STIM1: variants seen among roughly 807,000 people sequenced by gnomAD.
STIM1 encodes the protein stromal interaction molecule 1.
STIM1 carries 25 observed loss-of-function variants against 74.7 expected under a neutral mutation model. The observed-to-expected ratio is 0.33, with a 90% confidence interval of 0.24 to 0.47. The LOEUF (loss-of-function observed/expected upper bound fraction) is 0.47, where lower values mean the gene tolerates loss of function less well. Among genes scored for constraint, STIM1 ranks in the 20% least tolerant of loss-of-function variants. The pLI, the probability that STIM1 is intolerant of heterozygous loss-of-function variation, is 1.00. For synonymous variants in STIM1, 328 were observed against 348.8 expected (o/e 0.94, Z 0.66); for missense variants, 728 against 920.8 (o/e 0.79, Z 2.71).
intron 2 of STIM1, among the ~76,000 whole-genome samples, chr11:3,987,579 A>G (rs569192173): frequency 6.6e-6 from 1 of 152,284 alleles, no homozygotes. Context: ...ACTCTCTTCT[A>G]TATATCTGTC....
At chr11:3,888,248 A>C (rs2091788386) in intron 1 of STIM1, 1 of 152,210 alleles carries the variant, frequency 6.6e-6, no homozygotes, top group Non-Finnish European at 1.5e-5. Context: ...ATAAGTATTC[A>C]CATAGCTTGT....
At chr11:3,972,427 T>C (rs61355819) in intron 2 of STIM1, among the ~76,000 whole-genome samples, 6,876 of 152,308 alleles carry the variant, frequency 0.045, 491 homozygotes, top group African/African-American at 0.15. Context: ...GTTATCTTCT[T>C]ATAGTTTTAT....
chr11:4,056,137 T>C (rs1467918297), intron 4 of STIM1, among the ~76,000 whole-genome samples: 2 of 152,188 alleles, frequency 1.3e-5, no homozygotes, highest in Non-Finnish European at 2.9e-5. Flanking sequence ...CCCGGGAGCC[T>C]CAGGGCTCTT....
At chr11:3,998,772 C>A (rs2093685041) in intron 2 of STIM1, among the ~76,000 whole-genome samples, 1 of 151,830 alleles carries the variant, frequency 6.6e-6, no homozygotes, top group Non-Finnish European at 1.5e-5. Flanking sequence ...AAGGCAGTGA[C>A]TTTTTATTTA....
intron 7 of STIM1, among the ~76,000 whole-genome samples, chr11:4,081,364 C>T (rs1191563085): frequency 2.0e-5 from 3 of 152,242 alleles, no homozygotes; most frequent in Non-Finnish European, 4.4e-5. Flanking sequence ...TCGGTTATTT[C>T]TACTTATACA....
rs2135171193 is a variant in STIM1 at position 3,856,386 on chromosome 11, A to G, written c.116A>G (p.Asn39Ser). The change falls in exon 1 of 13, where the codon AAC becomes AGC. Residue 39 changes from asparagine (N) to serine (S), a missense_variant. Transcript: ENST00000526596. ...GCGACAGGAACCAGCTCGGGGGCCA[A>G]CTCTGAGGAGTCCACTGCAGCAGGT... Reference protein sequence around the residue: ...EKATGTSSGANSEESTAAEFC... With the variant: ...EKATGTSSGASSEESTAAEFC... 6.2e-7 allele frequency: 1 copy of G among 1,614,034 alleles called. No individual in the cohort carries two copies.
Position 4,033,447 on chromosome 11 carries a change from A to G in STIM1, c.385+9460A>G, listed in dbSNP as rs1411960199. 2.6e-5 allele frequency among the ~76,000 whole-genome samples: 4 copies of G among 152,100 alleles called. No individual in the cohort carries two copies. In the South Asian group the frequency reaches 8.3e-4, roughly 32 times the overall value. Reference sequence around the variant, plus strand: ...GATTTCATCACATTTTTTTCCATAGACAGTCATGTTTATCTGCCAATAAAG... The same window carrying G: ...GATTTCATCACATTTTTTTCCATAGGCAGTCATGTTTATCTGCCAATAAAG... On this transcript the variant is annotated intron_variant, in intron 3 of 12. Transcript: ENST00000526596.
intron 1 of STIM1, among the ~76,000 whole-genome samples, chr11:3,886,357 A>G (rs1178040840): frequency 1.3e-5 from 2 of 152,200 alleles, no homozygotes; most frequent in South Asian, 2.1e-4. Flanking sequence ...AGCTACTGGT[A>G]TAATTCCTTG....
intron 11 of STIM1, among the ~76,000 whole-genome samples, chr11:4,085,602 C>T (rs56120326): frequency 1.8e-4 from 28 of 152,342 alleles, no homozygotes; most frequent in Non-Finnish European, 3.8e-4. Context: ...TGAGCACCTT[C>T]TCTATCACTC....
intron 2 of STIM1, among the ~76,000 whole-genome samples, chr11:3,980,407 A>G (rs1364390359): frequency 6.6e-6 from 1 of 152,124 alleles, no homozygotes; most frequent in African/African-American, 2.4e-5. Flanking sequence ...CACCCCAGAC[A>G]TGCTCTTCAT....
chr11:4,029,176 C>T (rs530259643), intron 3 of STIM1, among the ~76,000 whole-genome samples: 32 of 151,796 alleles, frequency 2.1e-4, no homozygotes, highest in Middle Eastern at 3.4e-3. Flanking sequence ...CAACAAAGAG[C>T]GAAACTCCGT....
chr11:4,008,882 G>A (rs2093807991), intron 2 of STIM1, among the ~76,000 whole-genome samples: 1 of 152,146 alleles, frequency 6.6e-6, no homozygotes, highest in Non-Finnish European at 1.5e-5. Context: ...ATAAAGAAAT[G>A]ACATTGAAAG....
chr11:3,984,439 A>G (rs1037677998), intron 2 of STIM1, among the ~76,000 whole-genome samples: 8 of 152,212 alleles, frequency 5.3e-5, no homozygotes, highest in African/African-American at 1.9e-4. Context: ...AGCTGACACC[A>G]TGAATGACAT....
At chr11:4,053,968 G>A (rs993885261) in intron 3 of STIM1, among the ~76,000 whole-genome samples, 1 of 152,184 alleles carries the variant, frequency 6.6e-6, no homozygotes, top group Non-Finnish European at 1.5e-5. Context: ...TGGAAATGTT[G>A]TATAGTTTAT....
chr11:4,051,927 T>G (rs1425724158), intron 3 of STIM1, among the ~76,000 whole-genome samples: 1 of 152,154 alleles, frequency 6.6e-6, no homozygotes, highest in Admixed American at 6.5e-5. Flanking sequence ...ACAAAATCAA[T>G]GTGCAAAAAT....
At chr11:3,938,361 A>G (rs2092962210) in intron 1 of STIM1, among the ~76,000 whole-genome samples, 1 of 151,292 alleles carries the variant, frequency 6.6e-6, no homozygotes, top group African/African-American at 2.5e-5. Context: ...TTGCATACCA[A>G]GGGGTGTTGA....
rs200674628 is a variant in STIM1 at position 3,863,307 on chromosome 11, T to C, written c.139+6898T>C. On this transcript the variant is annotated intron_variant, in intron 1 of 12. Coordinates refer to ENST00000526596, the MANE Select transcript of STIM1 (RefSeq NM_001382567.1). ...GGGTCTCTCTGTCACCTAGGCTGGA[T>C]TGCAGTGGTGTGATCATGGCTCACT... Among the ~76,000 whole-genome samples the C allele has an allele frequency of 2.6e-4, 39 of 150,338 alleles. 1 individual carries two copies. The East Asian group carries it at 5.2e-3, about 20-fold the overall frequency.
chr11:3,856,396 G>A lies in STIM1; in HGVS notation c.126G>A (p.Glu42=), dbSNP rs767431804. 6.2e-7 allele frequency: 1 copy of A among 1,614,082 alleles called. No individual in the cohort carries two copies. Among genetic ancestry groups the A allele is most frequent in the South Asian group, 1.1e-5 (1 of 91,086 alleles). The change falls in exon 1 of 13, where the codon GAG becomes GAA. Residue 42 remains glutamate (E), a synonymous_variant. Transcript: ENST00000526596. ...CCAGCTCGGGGGCCAACTCTGAGGA[G>A]TCCACTGCAGCAGGTAAGGCCTTGC... ...TGTSSGANSE[E]STAAEFCRID...
At chr11:3,929,199 T>C (rs1341736475) in intron 1 of STIM1, among the ~76,000 whole-genome samples, 1 of 152,228 alleles carries the variant, frequency 6.6e-6, no homozygotes, top group African/African-American at 2.4e-5. Flanking sequence ...TATGATGGTA[T>C]GCTAAGATTG....
Sources: gnomAD v4.1 joint callset for allele counts (sites outside exome capture counted in the v4.1 genomes callset) on GRCh38, gnomAD v4.1.1 for gene constraint, MANE v1.5 for transcripts, NCBI Gene and HGNC (gene_info 2026-07-23, HGNC 2026-07-21) for gene names.